Variants in SESN1 observed in about 807,000 individuals in gnomAD.
SESN1 encodes sestrin 1, also known as sestrin-1.
A neutral mutation model predicts 59.3 loss-of-function variants in SESN1; 30 were observed. The observed-to-expected ratio is 0.51, with a 90% confidence interval of 0.38 to 0.69. SESN1 has a LOEUF of 0.69. Ranked by LOEUF, SESN1 falls within the 30% of genes least tolerant of loss-of-function variation. The pLI is 0.00. For synonymous variants in SESN1, 197 were observed against 219.9 expected (o/e 0.90, Z 0.92); for missense variants, 566 against 673.0 (o/e 0.84, Z 1.76).
chr6:109,009,036 C>T, intron 1 of SESN1: 2 of 984,816 alleles, frequency 2.0e-6, no homozygotes, highest in Non-Finnish European at 2.5e-6. Flanking sequence ...GGAGACTTGT[C>T]CAGACGACAA....
At chr6:109,087,414 G>A (rs1471707462) in intron 1 of SESN1, among the ~76,000 whole-genome samples, 2 of 152,106 alleles carry the variant, frequency 1.3e-5, no homozygotes, top group Admixed American at 6.5e-5. Flanking sequence ...CAGAAAACCT[G>A]AGAATAAAGA....
In SESN1 at chr6:108,990,529, T is replaced by G. The variant is rs75965383; in HGVS notation, c.1424+116A>C. 4.8e-3 allele frequency: 4,263 copies of G among 895,552 alleles called. 233 individuals carry two copies. In the East Asian group the frequency reaches 0.1, roughly 21 times the overall value. The allele number at this position is 895,552 out of a possible 1,614,324, so 55.5% of individuals were successfully genotyped here. On this transcript the variant is annotated intron_variant, in intron 8 of 9. Transcript: ENST00000436639. ...GCATAAATAGCATAAAAATAAGTTA[T>G]TGGGGAGGGGATGGGTTTTGATTAT...
chr6:109,090,546 A>T (rs1781295719), intron 1 of SESN1: 1 of 152,232 alleles, frequency 6.6e-6, no homozygotes, highest in Admixed American at 6.5e-5. Context: ...TAAGCTAGAG[A>T]AAAGAAAATG....
At chr6:109,068,892 T>C (rs1334327866) in intron 1 of SESN1, among the ~76,000 whole-genome samples, 1 of 152,042 alleles carries the variant, frequency 6.6e-6, no homozygotes, top group African/African-American at 2.4e-5. Context: ...AGCTAATTTT[T>C]TGTATTTTTA....
At chr6:108,992,942 T>C in intron 6 of SESN1, 43 bp from the exon 7 acceptor site, 1 of 1,298,148 alleles carries the variant, frequency 7.7e-7, no homozygotes, top group Non-Finnish European at 1.1e-6. Context: ...AATAGGATGC[T>C]AGTTAAAATT....
intron 1 of SESN1, among the ~76,000 whole-genome samples, chr6:109,079,237 C>T (rs1401258245): frequency 6.7e-6 from 1 of 149,034 alleles, no homozygotes; most frequent in African/African-American, 2.5e-5. Context: ...GATATTCATA[C>T]TCTAATATTC....
In SESN1 at chr6:108,985,889, G is replaced by GATA. The variant is rs1779171381; in HGVS notation, c.*1652_*1654dup. On this transcript the variant is annotated 3_prime_UTR_variant, in exon 10 of 10. Coordinates refer to ENST00000436639, the MANE Select transcript of SESN1 (RefSeq NM_014454.3). ...TTCTTTAAATATAAAACATATTGAA[G>GATA]ATAATAATACTCTATTCCTAGCTAA... Among the ~76,000 whole-genome samples the GATA allele has an allele frequency of 1.3e-5, 2 of 152,252 alleles. No homozygotes were observed. Among genetic ancestry groups the GATA allele is most frequent in the Admixed American group, 6.5e-5 (1 of 15,292 alleles).
At chr6:109,007,509 A>AT (rs1340131219) in intron 1 of SESN1, among the ~76,000 whole-genome samples, 1 of 152,138 alleles carries the variant, frequency 6.6e-6, no homozygotes, top group Admixed American at 6.5e-5. Context: ...CAGTAATTTT[A>AT]TTTTTTAAAT....
intron 1 of SESN1, among the ~76,000 whole-genome samples, chr6:109,029,685 C>G (rs553942553): frequency 6.6e-6 from 1 of 152,158 alleles, no homozygotes; most frequent in South Asian, 2.1e-4. Flanking sequence ...AGGTGCATGC[C>G]ACCACACCCA....
chr6:109,079,072 C>T (rs1357917588), intron 1 of SESN1, among the ~76,000 whole-genome samples: 1 of 151,632 alleles, frequency 6.6e-6, no homozygotes, highest in East Asian at 1.9e-4. Context: ...GGAATAATTA[C>T]CACTAAGAGA....
chr6:108,990,704 A>C lies in SESN1; in HGVS notation c.1365T>G (p.Val455=), dbSNP rs1303748813. 6 of 1,614,168 alleles carry C rather than the reference A, an allele frequency of 3.7e-6. No individual in the cohort carries two copies. The highest frequency in any genetic ancestry group is 5.1e-6 in the Non-Finnish European group (6 of 1,180,006). ...TYNTMAMHKD[V]DTSMLRRAIW... is the part of the protein sequence containing the mutation. ...TTGCCCGTCTAAGCATTGAGGTATC[A>C]ACATCTTTGTGCATTGCCATTGTAT... Residue 455 remains valine (V), a synonymous_variant, in exon 8 of 10, where the codon GTT becomes GTG. Coordinates refer to ENST00000436639, the MANE Select transcript of SESN1 (RefSeq NM_014454.3).
intron 1 of SESN1, among the ~76,000 whole-genome samples, chr6:109,035,314 A>G (rs911344471): frequency 6.6e-6 from 1 of 152,132 alleles, no homozygotes; most frequent in African/African-American, 2.4e-5. Context: ...AACTTCAGAG[A>G]GCTAAGTCAG....
intron 1 of SESN1, among the ~76,000 whole-genome samples, chr6:109,052,533 A>G (rs1780557713): frequency 6.6e-6 from 1 of 152,198 alleles, no homozygotes; most frequent in African/African-American, 2.4e-5. Flanking sequence ...CTAGACTTCA[A>G]TGTTCACTTA....
chr6:109,010,695 A>AGGGG (rs1779844355), intron 1 of SESN1, among the ~76,000 whole-genome samples: 1 of 152,236 alleles, frequency 6.6e-6, no homozygotes, highest in Non-Finnish European at 1.5e-5. Context: ...CTGCTTTTAA[A>AGGGG]AAATAGCTAA....
At chr6:108,994,403 C>T in intron 6 of SESN1, 59 bp downstream of exon 6, 1 of 1,383,798 alleles carries the variant, frequency 7.2e-7, no homozygotes, top group Non-Finnish European at 1.0e-6. Flanking sequence ...TATTTAAATT[C>T]TCTAAATAAA....
At chr6:109,065,306 TATAAGA>T (rs1197232298) in intron 1 of SESN1, among the ~76,000 whole-genome samples, 1 of 152,214 alleles carries the variant, frequency 6.6e-6, no homozygotes, top group African/African-American at 2.4e-5. Context: ...TTCTCAGATT[TATAAGA>T]ATAACTATTG....
intron 1 of SESN1, among the ~76,000 whole-genome samples, chr6:109,033,715 G>C (rs1314015498): frequency 6.6e-6 from 1 of 152,168 alleles, no homozygotes; most frequent in Non-Finnish European, 1.5e-5. Flanking sequence ...TTGATAATAT[G>C]AAAACTGCTA....
At chr6:108,999,572 A>G (rs1355193159) in intron 4 of SESN1, among the ~76,000 whole-genome samples, 4 of 152,164 alleles carry the variant, frequency 2.6e-5, no homozygotes, top group Non-Finnish European at 4.4e-5. Context: ...ATGCATAACA[A>G]TGAGATGCCA....
chr6:109,086,590 C>A (rs900116523), intron 1 of SESN1, among the ~76,000 whole-genome samples: 2 of 152,148 alleles, frequency 1.3e-5, no homozygotes, highest in Admixed American at 6.5e-5. Flanking sequence ...GCACATACAG[C>A]ACCTTTAAGG....
Sources: allele counts gnomAD v4.1 joint callset (sites outside exome capture counted in the v4.1 genomes callset), GRCh38; gene constraint gnomAD v4.1.1; transcripts MANE v1.5; gene names NCBI Gene and HGNC (gene_info 2026-07-23, HGNC 2026-07-21).